DYNC2H1: variants seen among roughly 807,000 people sequenced by gnomAD.
DYNC2H1 encodes the protein cytoplasmic dynein 2 heavy chain 1.
A neutral mutation model predicts 570.0 loss-of-function variants in DYNC2H1; 410 were observed. That is an observed-to-expected ratio of 0.72 (90% CI 0.66 to 0.78). The LOEUF is 0.78. DYNC2H1 is among the 30% of genes least tolerant of loss of function. The pLI, the probability that DYNC2H1 is intolerant of heterozygous loss-of-function variation, is 0.00. For missense variants in DYNC2H1, 4,865 were observed against 5,046.4 expected (o/e 0.96, Z 1.09); for synonymous variants, 1,688 against 1,677.6 (o/e 1.01, Z -0.15).
In DYNC2H1 at chr11:103,203,039, T is replaced by C. The variant is rs1466275024; in HGVS notation, c.8198-624T>C. On this transcript the variant is annotated intron_variant, in intron 50 of 88. Coordinates refer to ENST00000375735, the MANE Select transcript of DYNC2H1 (RefSeq NM_001377.3). The surrounding 1 kb of genome is among the most constrained non-coding windows in gnomAD (Gnocchi z 4.7). ...TTCATTCATTCATTTATGTAAAACATATTTTTGTTCTAGATACTTAGGTAA... is the reference window on the plus strand; with the variant it reads ...TTCATTCATTCATTTATGTAAAACACATTTTTGTTCTAGATACTTAGGTAA... Among the ~76,000 whole-genome samples, 1 of 152,180 alleles carries C rather than the reference T, an allele frequency of 6.6e-6. No homozygotes were observed. The highest frequency in any genetic ancestry group is 2.4e-5 in the African/African-American group (1 of 41,452).
intron 31 of DYNC2H1, among the ~76,000 whole-genome samples, chr11:103,167,342 A>G (rs1591349285): frequency 6.6e-6 from 1 of 151,504 alleles, no homozygotes; most frequent in Admixed American, 6.6e-5. Context: ...ACTGTGGCTC[A>G]CTGCAGCCTT....
intron 81 of DYNC2H1, among the ~76,000 whole-genome samples, chr11:103,322,084 G>C (rs1332439870): frequency 6.6e-6 from 1 of 151,904 alleles, no homozygotes; most frequent in East Asian, 1.9e-4. Flanking sequence ...ATTACCTTAA[G>C]TATGCTGTTT....
Position 103,123,012 on chromosome 11 carries a change from T to TA in DYNC2H1, c.1661+13dup. The TA allele has an allele frequency of 7.4e-7, 1 of 1,359,742 alleles. No homozygotes were observed. Among genetic ancestry groups the TA allele is most frequent in the Non-Finnish European group, 9.6e-7 (1 of 1,042,932 alleles). The allele number at this position is 1,359,742 out of a possible 1,614,324, so 84.2% of individuals were successfully genotyped here. On this transcript the variant is annotated intron_variant, in intron 11 of 88. Coordinates refer to ENST00000375735, the MANE Select transcript of DYNC2H1 (RefSeq NM_001377.3). ...AGATCTGGTTTGTGGTAAGTATAGA[T>TA]ATATTAAACTGTAAAATCCAAAACC...
At chr11:103,438,652 T>C (rs1297890873) in intron 85 of DYNC2H1, among the ~76,000 whole-genome samples, 1 of 152,182 alleles carries the variant, frequency 6.6e-6, no homozygotes. Flanking sequence ...ACAGGGGTTC[T>C]GTGCAAATAA....
At chr11:103,379,608 C>T (rs1472620662) in intron 83 of DYNC2H1, among the ~76,000 whole-genome samples, 9 of 152,126 alleles carry the variant, frequency 5.9e-5, no homozygotes, top group African/African-American at 2.2e-4. Context: ...ATTAATATAA[C>T]ATTTATTTTT....
At chr11:103,262,710 A>G (rs1865349400) in intron 70 of DYNC2H1, among the ~76,000 whole-genome samples, 2 of 152,186 alleles carry the variant, frequency 1.3e-5, no homozygotes, top group Non-Finnish European at 2.9e-5. Flanking sequence ...AGCACCAAAT[A>G]TGGAAAGGAA....
chr11:103,411,172 A>ATAAG (rs1356332355), intron 84 of DYNC2H1, among the ~76,000 whole-genome samples: 1 of 152,196 alleles, frequency 6.6e-6, no homozygotes, highest in East Asian at 1.9e-4. Flanking sequence ...GAAAGAAGAA[A>ATAAG]TAAGTAAGTA....
intron 61 of DYNC2H1, among the ~76,000 whole-genome samples, chr11:103,235,156 G>C (rs927412343): frequency 1.3e-5 from 2 of 151,824 alleles, no homozygotes; most frequent in African/African-American, 4.8e-5. Flanking sequence ...AATGGCTCAC[G>C]TCACAGTTTA....
intron 80 of DYNC2H1, among the ~76,000 whole-genome samples, chr11:103,317,124 C>T (rs942233400): frequency 2.0e-5 from 3 of 152,076 alleles, no homozygotes; most frequent in Non-Finnish European, 2.9e-5. Flanking sequence ...GTTTATTGTG[C>T]AGGGCGAAGG....
In DYNC2H1 at chr11:103,158,846, A is replaced by G. The variant is rs566260454; in HGVS notation, c.4260+37A>G. 24 of 1,465,864 alleles carry G rather than the reference A, an allele frequency of 1.6e-5. No individual in the cohort carries two copies. In the African/African-American group the frequency reaches 3.0e-4, roughly 18 times the overall value. 90.8% of individuals were successfully genotyped at this position (1,465,864 alleles called of 1,614,324 possible). On this transcript the variant is annotated intron_variant, in intron 27 of 88. Coordinates refer to ENST00000375735, the MANE Select transcript of DYNC2H1 (RefSeq NM_001377.3). ...AAGAAAAAAATATATAATAAATTGT[A>G]AAGTACTTGATATCTTAATTATCTG...
chr11:103,152,129 C>T lies in DYNC2H1; in HGVS notation c.2947-7C>T, dbSNP rs535824548. ...ATTCAATTTGTTTTTTTTTTTTTAA[C>T]CTTTAGATTTTGCCCTTATTTCAAG... On this transcript the variant is annotated splice_region_variant and splice_polypyrimidine_tract_variant and intron_variant, in intron 20 of 88. Transcript: ENST00000375735. 186 of 1,316,720 alleles carry T rather than the reference C, an allele frequency of 1.4e-4. No homozygotes were observed. The highest frequency in any genetic ancestry group is 1.9e-4 in the Non-Finnish European group (180 of 972,634). 81.6% of individuals were successfully genotyped at this position (1,316,720 alleles called of 1,614,324 possible).
Position 103,200,084 on chromosome 11 carries a change from T to C in DYNC2H1, c.8127T>C (p.Val2709=), listed in dbSNP as rs1274541202. 2 of 1,590,808 alleles carry C rather than the reference T, an allele frequency of 1.3e-6. No individual in the cohort carries two copies. Among genetic ancestry groups the C allele is most frequent in the Non-Finnish European group, 1.7e-6 (2 of 1,167,256 alleles). Residue 2709 remains valine (V), a synonymous_variant, in exon 50 of 89, where the codon GTT becomes GTC. Transcript: ENST00000375735. The part of the protein sequence containing the change: ...QLAGIEAQQV[V]LLLEDYQFVH... ...CAGGAATTGAAGCACAACAGGTAGT[T>C]TTACTTCTTGAGGATTACCAGTTTG...
chr11:103,168,561 T>C (rs751800125), intron 31 of DYNC2H1, among the ~76,000 whole-genome samples, 194 bp from the exon 32 acceptor site: 89 of 152,336 alleles, frequency 5.8e-4, no homozygotes, highest in Admixed American at 2.4e-3. Flanking sequence ...ATTTTTATAC[T>C]CAAAATTCTT....
At chr11:103,441,374 TCTTA>T (rs935534545) in intron 85 of DYNC2H1, among the ~76,000 whole-genome samples, 31 of 149,860 alleles carry the variant, frequency 2.1e-4, no homozygotes, top group Admixed American at 4.0e-4. Flanking sequence ...CTCCAATACT[TCTTA>T]CTCTCTTTTC....
chr11:103,141,321 T>C (rs908183107), intron 17 of DYNC2H1, among the ~76,000 whole-genome samples: 1 of 152,134 alleles, frequency 6.6e-6, no homozygotes, highest in East Asian at 1.9e-4. Flanking sequence ...TCTGTTTTTT[T>C]CCCCATGTGG....
At chr11:103,350,023 A>G (rs940731014) in intron 82 of DYNC2H1, among the ~76,000 whole-genome samples, 2 of 152,076 alleles carry the variant, frequency 1.3e-5, no homozygotes, top group South Asian at 2.1e-4. Flanking sequence ...ACATGTTGGT[A>G]TGTAGTTTTG....
Position 103,204,783 on chromosome 11 carries a change from G to A in DYNC2H1, c.8312-39G>A, listed in dbSNP as rs1862859615. The A allele has an allele frequency of 6.5e-7, 1 of 1,529,892 alleles. No individual in the cohort carries two copies. Among genetic ancestry groups the A allele is most frequent in the Non-Finnish European group, 8.9e-7 (1 of 1,129,692 alleles). 94.8% of individuals were successfully genotyped at this position (1,529,892 alleles called of 1,614,324 possible). On this transcript the variant is annotated intron_variant, in intron 51 of 88. Coordinates refer to ENST00000375735, the MANE Select transcript of DYNC2H1 (RefSeq NM_001377.3). The surrounding 1 kb of genome is among the most constrained non-coding windows in gnomAD (Gnocchi z 4.1). The stretch of plus-strand genomic sequence containing the variant: ...ATCTCTTTAACCCAGACCACGTATA[G>A]ATTGCCTGATTGTATTATTATTCTT...
At chr11:103,327,161 C>G (rs1006254465) in intron 82 of DYNC2H1, among the ~76,000 whole-genome samples, 1 of 152,066 alleles carries the variant, frequency 6.6e-6, no homozygotes, top group Non-Finnish European at 1.5e-5. Context: ...AGCGTCACTT[C>G]TCCATCCACT....
intron 20 of DYNC2H1, among the ~76,000 whole-genome samples, chr11:103,148,825 G>A (rs566204747): frequency 5.3e-5 from 8 of 152,264 alleles, no homozygotes; most frequent in South Asian, 2.1e-4. Context: ...TTGGGAGGCC[G>A]AGGCAGGCAG....
Sources: allele counts gnomAD v4.1 joint callset (sites outside exome capture counted in the v4.1 genomes callset), GRCh38; gene constraint gnomAD v4.1.1; non-coding constraint Gnocchi (gnomAD v3.1); transcripts MANE v1.5; gene names NCBI Gene and HGNC (gene_info 2026-07-23, HGNC 2026-07-21).